Variants in SLC35F3 observed in about 807,000 individuals in gnomAD.
SLC35F3 encodes solute carrier family 35 member F3, also known as putative thiamine transporter SLC35F3.
In SLC35F3, 25 loss-of-function variants were observed where a neutral mutation model predicts 49.9. The observed-to-expected ratio is 0.50, with a 90% CI of 0.37 to 0.70. The LOEUF (loss-of-function observed/expected upper bound fraction) is 0.70, where lower values mean the gene tolerates loss of function less well. Among genes scored for constraint, SLC35F3 ranks in the 30% least tolerant of loss-of-function variants. The pLI is 0.00. For missense variants in SLC35F3, 525 were observed against 639.8 expected (o/e 0.82, Z 1.94); for synonymous variants, 275 against 265.4 (o/e 1.04, Z -0.35).
At chr1:234,218,499 T>C (rs1365092121) in intron 2 of SLC35F3, among the ~76,000 whole-genome samples, 15 of 152,206 alleles carry the variant, frequency 9.9e-5, no homozygotes, top group South Asian at 2.1e-4. Context: ...ATGCCTCCTA[T>C]ATTGCAGGTA....
At chr1:234,252,413 AAAAAAT>A (rs1249986532) in intron 3 of SLC35F3, among the ~76,000 whole-genome samples, 1 of 152,264 alleles carries the variant, frequency 6.6e-6, no homozygotes, top group African/African-American at 2.4e-5. Context: ...ACTGCTTGGC[AAAAAAT>A]AAAAATAAAA....
chr1:234,276,428 A>G (rs753367590), intron 3 of SLC35F3, among the ~76,000 whole-genome samples: 13 of 152,202 alleles, frequency 8.5e-5, no homozygotes, highest in Admixed American at 2.0e-4. Flanking sequence ...AGTGCTGGGC[A>G]GCTCAGTGTG....
chr1:234,008,039 C>T (rs1046930578), intron 2 of SLC35F3, among the ~76,000 whole-genome samples: 1 of 152,218 alleles, frequency 6.6e-6, no homozygotes, highest in South Asian at 2.1e-4. Flanking sequence ...CTGTATTCCA[C>T]ATTCTAGAGT....
chr1:234,041,722 T>C (rs1218104047), intron 2 of SLC35F3, among the ~76,000 whole-genome samples: 4 of 152,200 alleles, frequency 2.6e-5, no homozygotes, highest in Admixed American at 6.5e-5. Context: ...TACTTGAAGG[T>C]GAATGAGATT....
chr1:234,228,956 GATTATT>G lies in SLC35F3; in HGVS notation c.284-2452_284-2447del, dbSNP rs1161387704. On this transcript the variant is annotated intron_variant, in intron 2 of 7. Coordinates refer to ENST00000366618, the MANE Select transcript of SLC35F3 (RefSeq NM_173508.4). ...GAATGAGGTAATGAAATTGATGAGT[GATTATT>G]ATTATTATAAGAGACACAGTATAGT... 5.9e-5 allele frequency among the ~76,000 whole-genome samples: 9 copies of G among 152,282 alleles called. No homozygotes were observed. The South Asian group carries it at 6.2e-4, about 11-fold the overall frequency.
intron 2 of SLC35F3, among the ~76,000 whole-genome samples, chr1:234,106,119 C>T (rs1176680811): frequency 6.6e-6 from 1 of 152,142 alleles, no homozygotes; most frequent in Non-Finnish European, 1.5e-5. Flanking sequence ...GACATACTCC[C>T]GAAATTTGTT....
At chr1:234,211,112 A>C (rs1667040730) in intron 2 of SLC35F3, among the ~76,000 whole-genome samples, 1 of 152,252 alleles carries the variant, frequency 6.6e-6, no homozygotes, top group Non-Finnish European at 1.5e-5. Flanking sequence ...GGCAATTTCC[A>C]TGTGGTGTTG....
In SLC35F3 at chr1:233,905,144, C is replaced by T. The variant is rs532979587; in HGVS notation, c.53+14C>T. On this transcript the variant is annotated intron_variant, in intron 1 of 7. Transcript: ENST00000366618. Reference sequence around the variant, plus strand: ...GAGCATTGCCGTGTGAGTAGCGCCCCGGGCGTGGGTGAGCGAGCCGGCGGG... The same window carrying T: ...GAGCATTGCCGTGTGAGTAGCGCCCTGGGCGTGGGTGAGCGAGCCGGCGGG... 1.0e-4 allele frequency: 158 copies of T among 1,552,348 alleles called. 1 individual carries two copies. The highest frequency in any genetic ancestry group is 4.6e-4 in the South Asian group (39 of 84,102).
At chr1:234,179,700 G>A (rs1421493550) in intron 2 of SLC35F3, among the ~76,000 whole-genome samples, 2 of 151,666 alleles carry the variant, frequency 1.3e-5, no homozygotes, top group Non-Finnish European at 2.9e-5. Flanking sequence ...ATGAGCCAAG[G>A]ACATGGCATT....
At chr1:234,253,611 A>G (rs1667772213) in intron 3 of SLC35F3, among the ~76,000 whole-genome samples, 1 of 152,230 alleles carries the variant, frequency 6.6e-6, no homozygotes, top group Non-Finnish European at 1.5e-5. Context: ...AAAGAAGTAT[A>G]TAATTTAAAA....
chr1:233,993,398 C>T (rs1044881082), intron 2 of SLC35F3, among the ~76,000 whole-genome samples: 1 of 152,210 alleles, frequency 6.6e-6, no homozygotes, highest in Non-Finnish European at 1.5e-5. Context: ...TCCTTAACCT[C>T]GTGAGAAACT....
intron 3 of SLC35F3, among the ~76,000 whole-genome samples, chr1:234,257,961 G>A (rs1324364199): frequency 1.3e-5 from 2 of 152,194 alleles, no homozygotes; most frequent in Admixed American, 6.5e-5. Context: ...GTGCTTACAG[G>A]AAACCCTTGG....
intron 3 of SLC35F3, among the ~76,000 whole-genome samples, chr1:234,235,203 C>T (rs930031574): frequency 3.3e-5 from 5 of 152,126 alleles, no homozygotes; most frequent in African/African-American, 1.2e-4. Context: ...CTTAGTCTTC[C>T]TAGCAAGCAC....
chr1:234,068,813 A>G (rs1664657830), intron 2 of SLC35F3, among the ~76,000 whole-genome samples: 1 of 84,682 alleles, frequency 1.2e-5, no homozygotes, highest in South Asian at 4.1e-4. Context: ...ACAGGATAAG[A>G]TTTGAGACAT....
intron 2 of SLC35F3, among the ~76,000 whole-genome samples, chr1:234,065,091 C>T (rs946368986): frequency 2.0e-5 from 3 of 151,812 alleles, no homozygotes; most frequent in Non-Finnish European, 2.9e-5. Context: ...TTACAGTGCT[C>T]ATGGTTCTAA....
At chr1:234,256,360 C>T (rs1667821777) in intron 3 of SLC35F3, among the ~76,000 whole-genome samples, 2 of 152,012 alleles carry the variant, frequency 1.3e-5, no homozygotes, top group Admixed American at 1.3e-4. Flanking sequence ...TCCTCTTGGC[C>T]AAGAGGACCC....
At chr1:233,922,735 T>C (rs1457957040) in intron 2 of SLC35F3, among the ~76,000 whole-genome samples, 1 of 152,234 alleles carries the variant, frequency 6.6e-6, no homozygotes, top group Admixed American at 6.5e-5. Context: ...ACCCATGTCA[T>C]GAATGGTATT....
intron 3 of SLC35F3, among the ~76,000 whole-genome samples, chr1:234,266,800 G>C (rs1160332539): frequency 4.6e-5 from 7 of 150,582 alleles, no homozygotes; most frequent in Non-Finnish European, 1.0e-4. Context: ...GTAAAATATG[G>C]TATTAACATC....
At chr1:233,994,376 A>G (rs180910587) in intron 2 of SLC35F3, among the ~76,000 whole-genome samples, 1 of 152,356 alleles carries the variant, frequency 6.6e-6, no homozygotes, top group Non-Finnish European at 1.5e-5. Flanking sequence ...TGCATAGGGT[A>G]GGAATTTATA....
Sources: gnomAD v4.1 joint callset for allele counts (sites outside exome capture counted in the v4.1 genomes callset) on GRCh38, gnomAD v4.1.1 for gene constraint, MANE v1.5 for transcripts, NCBI Gene and HGNC (gene_info 2026-07-23, HGNC 2026-07-21) for gene names.